Variants in MAN2A1 observed in about 807,000 individuals in gnomAD.
The protein encoded by MAN2A1 is alpha-mannosidase 2.
MAN2A1 carries 76 observed loss-of-function variants against 142.6 expected under a neutral mutation model. The ratio of observed to expected loss-of-function variants is 0.53; its 90% CI spans 0.44 to 0.65. The LOEUF (loss-of-function observed/expected upper bound fraction) is 0.65, where lower values mean the gene tolerates loss of function less well. Ranked by LOEUF, MAN2A1 falls within the 30% of genes least tolerant of loss-of-function variation. MAN2A1 has a pLI of 0.00. For synonymous variants in MAN2A1, 559 were observed against 473.2 expected, an observed-to-expected ratio of 1.18 and a Z score of -2.35; for missense variants, 1,311 against 1,365.1, an observed-to-expected ratio of 0.96 and a Z score of 0.62.
At chr5:109,798,993 C>T (rs1753941078) in intron 12 of MAN2A1, among the ~76,000 whole-genome samples, 1 of 152,036 alleles carries the variant, frequency 6.6e-6, no homozygotes, top group Non-Finnish European at 1.5e-5. Context: ...CACCCAGCCT[C>T]ATTCTGTTTT....
chr5:109,865,991 A>G (rs1755868946), intron 21 of MAN2A1, among the ~76,000 whole-genome samples: 1 of 152,258 alleles, frequency 6.6e-6, no homozygotes, highest in East Asian at 1.9e-4. Flanking sequence ...ACCAGACTCA[A>G]GTGATTCAGT....
At chr5:109,781,628 T>C (rs758071109) in intron 9 of MAN2A1, 30 bp downstream of exon 9, 7 of 1,416,652 alleles carry the variant, frequency 4.9e-6, no homozygotes, top group Non-Finnish European at 6.7e-6. Context: ...GCTACATGTA[T>C]TTTTTCACTT....
rs116289566 is a variant in MAN2A1, at chr5:109,700,968, G to A, written c.135+10416G>A. The stretch of plus-strand genomic sequence containing the variant: ...AACTGCCGTTTGTGAAACTATTAGA[G>A]CCAGTTAAGTGCTATTATTCATTAG... On this transcript the variant is annotated intron_variant, in intron 1 of 21. Transcript: ENST00000261483. 6.3e-3 allele frequency among the ~76,000 whole-genome samples: 958 copies of A among 152,342 alleles called. 5 individuals carry two copies. Among genetic ancestry groups the A allele is most frequent in the Non-Finnish European group, 9.6e-3 (653 of 68,036 alleles).
intron 21 of MAN2A1, among the ~76,000 whole-genome samples, chr5:109,865,964 C>CATAA (rs1221875085): frequency 6.6e-6 from 1 of 152,138 alleles, no homozygotes; most frequent in Non-Finnish European, 1.5e-5. Flanking sequence ...TCCAAAACCT[C>CATAA]ATAAATAATG....
chr5:109,690,627 A>G, intron 1 of MAN2A1, 75 bp downstream of exon 1: 1 of 1,474,406 alleles, frequency 6.8e-7, no homozygotes, highest in South Asian at 1.2e-5. Flanking sequence ...CTGCTACCCA[A>G]CCTCTTCCTC....
chr5:109,720,992 C>T (rs1751586816), intron 3 of MAN2A1, among the ~76,000 whole-genome samples: 2 of 152,174 alleles, frequency 1.3e-5, no homozygotes, highest in Non-Finnish European at 2.9e-5. Context: ...GAGCTAAAAT[C>T]GTATGCGGAA....
chr5:109,811,015 T>A (rs1003344382), intron 12 of MAN2A1, among the ~76,000 whole-genome samples: 6 of 151,900 alleles, frequency 3.9e-5, no homozygotes, highest in African/African-American at 1.4e-4. Context: ...TAGTTTTTGT[T>A]CTTTAATCTC....
intron 4 of MAN2A1, among the ~76,000 whole-genome samples, chr5:109,735,090 CTCT>C (rs1449095386): frequency 6.6e-6 from 1 of 152,156 alleles, no homozygotes; most frequent in African/African-American, 2.4e-5. Flanking sequence ...GGATAGTTAG[CTCT>C]TCTTGTTGAA....
rs70999943 is a variant in MAN2A1, at chr5:109,811,573, CGTGTGTGTGTGT to C, written c.1944-5677_1944-5666del. 5.5e-5 allele frequency among the ~76,000 whole-genome samples: 8 copies of C among 145,012 alleles called. No homozygotes were observed. In the East Asian group the frequency reaches 1.2e-3, roughly 22 times the overall value. ...GAAGATTGTTAATCTTCCTAACAGCCGTGTGTGTGTGTGTGTGTGTGTGTGTGTGTGTGTCTG... is the reference window on the plus strand; with the variant it reads ...GAAGATTGTTAATCTTCCTAACAGCCGTGTGTGTGTGTGTGTGTGTGTCTG... On this transcript the variant is annotated intron_variant, in intron 12 of 21. Coordinates refer to ENST00000261483, the MANE Select transcript of MAN2A1 (RefSeq NM_002372.4).
At chr5:109,782,136 C>G (rs1382492279) in intron 9 of MAN2A1, among the ~76,000 whole-genome samples, 1 of 152,150 alleles carries the variant, frequency 6.6e-6, no homozygotes, top group African/African-American at 2.4e-5. Flanking sequence ...GCACAGTCAT[C>G]TGCATAGAAG....
intron 10 of MAN2A1, 96 bp downstream of exon 10, chr5:109,785,022 C>A (rs987026128): frequency 1.5e-5 from 12 of 809,158 alleles, no homozygotes; most frequent in Non-Finnish European, 2.3e-5. Context: ...GTATATCAAA[C>A]CACATTAACA....
intron 16 of MAN2A1, among the ~76,000 whole-genome samples, chr5:109,839,646 TCTC>T: frequency 7.5e-6 from 1 of 134,188 alleles, no homozygotes; most frequent in African/African-American, 2.7e-5. Context: ...GCCCTGTCTC[TCTC>T]TTTTTTTTTT....
intron 8 of MAN2A1, among the ~76,000 whole-genome samples, chr5:109,776,516 T>G (rs1278378726): frequency 2.0e-5 from 3 of 152,156 alleles, no homozygotes; most frequent in African/African-American, 7.2e-5. Flanking sequence ...TAGAAGCATC[T>G]GGTCTCCTGT....
intron 12 of MAN2A1, among the ~76,000 whole-genome samples, chr5:109,790,763 G>C (rs905968921): frequency 6.6e-6 from 1 of 151,880 alleles, no homozygotes; most frequent in Non-Finnish European, 1.5e-5. Flanking sequence ...TTTATATTTT[G>C]GTGGAGGAAG....
intron 14 of MAN2A1, 68 bp downstream of exon 14, chr5:109,819,955 T>A (rs989199182): frequency 2.6e-6 from 3 of 1,170,122 alleles, no homozygotes; most frequent in Admixed American, 4.7e-5. Flanking sequence ...TGTAGATTAA[T>A]TAGGCAAAAG....
intron 16 of MAN2A1, among the ~76,000 whole-genome samples, chr5:109,835,715 T>C (rs1755039950): frequency 6.6e-6 from 1 of 152,178 alleles, no homozygotes; most frequent in South Asian, 2.1e-4. Flanking sequence ...CTCACTCCTA[T>C]AACTGGTTGA....
At chr5:109,692,810 G>A (rs892459089) in intron 1 of MAN2A1, among the ~76,000 whole-genome samples, 1 of 151,684 alleles carries the variant, frequency 6.6e-6, no homozygotes, top group Non-Finnish European at 1.5e-5. Flanking sequence ...GGGGGGAGTC[G>A]GGGGTTTCGG....
At chr5:109,776,019 A>G (rs574002698) in intron 8 of MAN2A1, among the ~76,000 whole-genome samples, 2 of 151,612 alleles carry the variant, frequency 1.3e-5, no homozygotes. Context: ...GATATCTACC[A>G]CTTCAAACTT....
chr5:109,789,203 T>C (rs1012576601), intron 11 of MAN2A1, among the ~76,000 whole-genome samples, 155 bp downstream of exon 11: 1 of 151,908 alleles, frequency 6.6e-6, no homozygotes, highest in Non-Finnish European at 1.5e-5. Flanking sequence ...AAATTACCTG[T>C]ATGTTCATCT....
Sources: gnomAD v4.1 joint callset for allele counts (sites outside exome capture counted in the v4.1 genomes callset) on GRCh38, gnomAD v4.1.1 for gene constraint, MANE v1.5 for transcripts, NCBI Gene and HGNC (gene_info 2026-07-23, HGNC 2026-07-21) for gene names.